ANKH: variants seen among roughly 807,000 people sequenced by gnomAD.
The protein encoded by ANKH is mineralization regulator ANKH.
In ANKH, 15 loss-of-function variants were observed where a neutral mutation model predicts 49.0. That is an observed-to-expected ratio of 0.31 (90% CI 0.20 to 0.47). The LOEUF is 0.47. Among genes scored for constraint, ANKH ranks in the 20% least tolerant of loss-of-function variants. ANKH has a pLI of 1.00. For missense variants in ANKH, 429 were observed against 652.0 expected, an observed-to-expected ratio of 0.66 and a Z score of 3.72; for synonymous variants, 273 against 260.0, an observed-to-expected ratio of 1.05 and a Z score of -0.48.
At chr5:14,841,885 G>A (rs1741825445) in intron 1 of ANKH, among the ~76,000 whole-genome samples, 1 of 152,094 alleles carries the variant, frequency 6.6e-6, no homozygotes, top group Non-Finnish European at 1.5e-5. Context: ...TTGAAGGGTG[G>A]TCTATATTGT....
intron 8 of ANKH, among the ~76,000 whole-genome samples, chr5:14,735,132 C>T (rs1738134576): frequency 6.6e-6 from 1 of 152,158 alleles, no homozygotes; most frequent in African/African-American, 2.4e-5. Context: ...GTCAATATCC[C>T]CTGTCCCCAG....
At chr5:14,871,145 A>G (rs1561092914) in intron 1 of ANKH, 2 of 668,548 alleles carry the variant, frequency 3.0e-6, no homozygotes, top group Non-Finnish European at 5.5e-6. Context: ...CATTTTCCAG[A>G]GAGGGCTGGA....
chr5:14,840,058 C>G (rs866057224), intron 1 of ANKH, among the ~76,000 whole-genome samples: 3 of 152,194 alleles, frequency 2.0e-5, no homozygotes, highest in South Asian at 4.1e-4. Flanking sequence ...AAGGAATATA[C>G]AAGAAGTTCT....
intron 1 of ANKH, among the ~76,000 whole-genome samples, chr5:14,804,699 C>A (rs1396519124): frequency 6.6e-6 from 1 of 152,158 alleles, no homozygotes; most frequent in Non-Finnish European, 1.5e-5. Flanking sequence ...TAGGTTTACA[C>A]CTAGAGTTGA....
At chr5:14,809,676 G>A (rs1407981743) in intron 1 of ANKH, among the ~76,000 whole-genome samples, 1 of 152,242 alleles carries the variant, frequency 6.6e-6, no homozygotes, top group Non-Finnish European at 1.5e-5. Flanking sequence ...GGTATGAAAT[G>A]TAGAAGCAAA....
chr5:14,870,152 G>T (rs1580129216), intron 1 of ANKH: 2 of 152,132 alleles, frequency 1.3e-5, no homozygotes, highest in African/African-American at 4.8e-5. Context: ...GTAAACAAAG[G>T]TCTCTAGAGA....
intron 1 of ANKH, among the ~76,000 whole-genome samples, chr5:14,777,722 G>A (rs760717157): frequency 6.6e-6 from 1 of 152,196 alleles, no homozygotes; most frequent in Non-Finnish European, 1.5e-5. Flanking sequence ...CCTGGGGCAC[G>A]GGTCCAGGTG....
At chr5:14,727,137 A>G (rs186490660) in intron 8 of ANKH, among the ~76,000 whole-genome samples, 7 of 152,318 alleles carry the variant, frequency 4.6e-5, no homozygotes, top group African/African-American at 9.6e-5. Flanking sequence ...GAAAAATGAC[A>G]TCTATTACTG....
rs958782862 is a variant in ANKH, at chr5:14,764,625, T to C, written c.313+4350A>G. On this transcript the variant is annotated intron_variant, in intron 2 of 11. Transcript: ENST00000284268. ...GAGCCACTGAGGATCGGGGTGGTTT[T>C]TTACACGACAATAAATTGTGAGACT... Among the ~76,000 whole-genome samples, 5 of 152,356 alleles carry C rather than the reference T, an allele frequency of 3.3e-5. No homozygotes were observed. The East Asian group carries it at 9.6e-4, about 29-fold the overall frequency.
intron 1 of ANKH, among the ~76,000 whole-genome samples, chr5:14,843,532 A>G (rs1741871172): frequency 7.3e-6 from 1 of 136,988 alleles, no homozygotes; most frequent in Non-Finnish European, 1.5e-5. Flanking sequence ...CTCCCAAACA[A>G]CTATCAGGGG....
At chr5:14,773,984 GACC>G (rs1739532600) in intron 1 of ANKH, among the ~76,000 whole-genome samples, 1 of 152,112 alleles carries the variant, frequency 6.6e-6, no homozygotes, top group African/African-American at 2.4e-5. Flanking sequence ...TGTTTTTAAT[GACC>G]ACATTAAATA....
Position 14,737,143 on chromosome 5 carries a change from T to A in ANKH, c.1011+4684A>T, listed in dbSNP as rs1456695653. The stretch of plus-strand genomic sequence containing the variant: ...GTTTTGGGTAAATTGGCAAATTTGG[T>A]AAACTTAGCAGCCCGATGGGCTGGC... On this transcript the variant is annotated intron_variant, in intron 8 of 11. Transcript: ENST00000284268. The surrounding 1 kb of genome is among the most constrained non-coding windows in gnomAD (Gnocchi z 5.0). Among the ~76,000 whole-genome samples the A allele has an allele frequency of 1.3e-5, 2 of 152,184 alleles. No individual in the cohort carries two copies. Among genetic ancestry groups the A allele is most frequent in the Non-Finnish European group, 2.9e-5 (2 of 68,022 alleles).
chr5:14,714,495 T>G lies in ANKH; in HGVS notation c.1142-828A>C, dbSNP rs457747. On this transcript the variant is annotated intron_variant, in intron 9 of 11. Transcript: ENST00000284268. Reference sequence around the variant, plus strand: ...CCTGTGGACAGCACCAGGCAAGGGCTCTTGGAGGAGGAAGTGCTCATTCCT... The same window carrying G: ...CCTGTGGACAGCACCAGGCAAGGGCGCTTGGAGGAGGAAGTGCTCATTCCT... 3.3e-3 allele frequency among the ~76,000 whole-genome samples: 499 copies of G among 152,200 alleles called. 3 individuals carry two copies. The highest frequency in any genetic ancestry group is 0.011 in the African/African-American group (463 of 41,524).
intron 8 of ANKH, among the ~76,000 whole-genome samples, chr5:14,730,075 G>A (rs1303963039): frequency 6.6e-6 from 1 of 152,180 alleles, no homozygotes; most frequent in Admixed American, 6.5e-5. Flanking sequence ...TCCATGCTGG[G>A]TTCTACAGAA....
At chr5:14,721,727 G>A (rs765051875) in intron 8 of ANKH, among the ~76,000 whole-genome samples, 10 of 151,982 alleles carry the variant, frequency 6.6e-5, no homozygotes, top group Non-Finnish European at 8.8e-5. Context: ...TCAGGAGATC[G>A]AGACCATCCT....
At chr5:14,853,981 C>T (rs1198188890) in intron 1 of ANKH, among the ~76,000 whole-genome samples, 1 of 152,108 alleles carries the variant, frequency 6.6e-6, no homozygotes, top group Non-Finnish European at 1.5e-5. Context: ...TAATGTTATC[C>T]TTAGCAGAAC....
Position 14,745,881 on chromosome 5 carries a change from C to T in ANKH, c.904G>A (p.Ala302Thr). Residue 302 changes from alanine (A) to threonine (T), a missense_variant, in exon 7 of 12, where the codon GCT becomes ACT. Ala to Thr is a moderately conservative substitution (Grantham distance 58). This residue lies in a region of ANKH where 378 missense variants were observed against 615.3 expected (regional missense o/e 0.61). Coordinates refer to ENST00000284268, the MANE Select transcript of ANKH (RefSeq NM_054027.6). The surrounding 1 kb of genome is among the most constrained non-coding windows in gnomAD (Gnocchi z 4.7). Reference sequence around the variant, plus strand: ...GCACGGGTTCTCACCTTGTCGAAAGCAGGATACACAGCACGGATTTCCGTC... The same window carrying T: ...GCACGGGTTCTCACCTTGTCGAAAGTAGGATACACAGCACGGATTTCCGTC... ...WLTEIRAVYP[A>T]FDKNNPSNKL... 1 of 1,614,158 alleles carries T rather than the reference C, an allele frequency of 6.2e-7. No homozygotes were observed. Among genetic ancestry groups the T allele is most frequent in the Non-Finnish European group, 8.5e-7 (1 of 1,180,022 alleles).
intron 1 of ANKH, among the ~76,000 whole-genome samples, chr5:14,867,272 T>A (rs1169761951): frequency 6.6e-6 from 1 of 152,034 alleles, no homozygotes; most frequent in Non-Finnish European, 1.5e-5. Context: ...CAGGTGGGTA[T>A]GGGCTTGAAC....
chr5:14,798,182 C>A, intron 1 of ANKH: 1 of 1,580,034 alleles, frequency 6.3e-7, no homozygotes, highest in Non-Finnish European at 8.7e-7. Flanking sequence ...TTTGTTCATC[C>A]GATGTGTGTG....
Sources: gnomAD v4.1 joint callset for allele counts (sites outside exome capture counted in the v4.1 genomes callset) on GRCh38, gnomAD v4.1.1 for gene constraint, gnomAD v4.1.1 regional missense constraint, Gnocchi (gnomAD v3.1) non-coding constraint, MANE v1.5 for transcripts, NCBI Gene and HGNC (gene_info 2026-07-23, HGNC 2026-07-21) for gene names.